DRC12: variants seen among roughly 807,000 people sequenced by gnomAD.
DRC12 encodes dynein regulatory complex subunit 12 homolog, also known as dynein regulatory complex protein 12.
chr11:119,192,369 G>A, the DRC12 span, among the ~76,000 whole-genome samples: 2 of 152,220 alleles, frequency 1.3e-5, no homozygotes, highest in African/African-American at 4.8e-5. Context: ...TTGTAAGCAA[G>A]AGACAAGAGA....
the DRC12 span, among the ~76,000 whole-genome samples, chr11:119,192,653 A>G: frequency 6.6e-6 from 1 of 151,586 alleles, no homozygotes; most frequent in Non-Finnish European, 1.5e-5. Flanking sequence ...TTTTATTTTT[A>G]TTTATTTTTT....
chr11:119,190,838 C>T, the DRC12 span: 2 of 1,611,330 alleles, frequency 1.2e-6, no homozygotes, highest in South Asian at 1.1e-5. The surrounding 1 kb of genome is among the most constrained non-coding windows in gnomAD (Gnocchi z 4.2). Flanking sequence ...CTTTGGCATG[C>T]CTCTGGGGGC....
the DRC12 span, chr11:119,195,612 G>A: frequency 1.3e-6 from 1 of 740,924 alleles, no homozygotes; most frequent in Non-Finnish European, 2.3e-6. Context: ...ATATCCTTCA[G>A]AAAAGTCAGT....
At chr11:119,191,991 T>C in the DRC12 span, among the ~76,000 whole-genome samples, 133 of 151,916 alleles carry the variant, frequency 8.8e-4, 2 homozygotes, top group Non-Finnish European at 1.5e-3. Context: ...TTTTTTTTTT[T>C]TTTAGTTGGA....
At chr11:119,191,008 A>C in the DRC12 span, among the ~76,000 whole-genome samples, 1 of 152,186 alleles carries the variant, frequency 6.6e-6, no homozygotes, top group Non-Finnish European at 1.5e-5. Flanking sequence ...TGAGGTATAT[A>C]GCAGAGAGTG....
chr11:119,190,881 T>C, the DRC12 span: 1 of 1,595,606 alleles, frequency 6.3e-7, no homozygotes, highest in Non-Finnish European at 8.5e-7. This position sits in a 1 kb window ranked among gnomAD's most constrained non-coding sequence, Gnocchi z 4.2. Context: ...ATGGTGACAC[T>C]CTATCCTTGA....
the DRC12 span, chr11:119,190,826 C>T: frequency 5.5e-5 from 88 of 1,612,776 alleles, 1 homozygote; most frequent in South Asian, 8.1e-4. This position sits in a 1 kb window ranked among gnomAD's most constrained non-coding sequence, Gnocchi z 4.2. Flanking sequence ...GCTGCAGCCT[C>T]CCTTTGGCAT....
the DRC12 span, chr11:119,193,025 G>T: frequency 1.2e-6 from 1 of 816,186 alleles, no homozygotes. Context: ...GTCAGCGAAA[G>T]TGGGGAAAGT....
the DRC12 span, chr11:119,193,778 C>T: frequency 6.4e-7 from 1 of 1,551,710 alleles, no homozygotes. Flanking sequence ...GCATATATGG[C>T]CTTCCCTTCA....
the DRC12 span, among the ~76,000 whole-genome samples, chr11:119,191,944 C>T: frequency 1.3e-5 from 2 of 151,000 alleles, no homozygotes; most frequent in African/African-American, 4.9e-5. Context: ...GGCAGATAAG[C>T]AGCTCCTGGC....
At chr11:119,191,163 G>A in the DRC12 span, among the ~76,000 whole-genome samples, 1,955 of 150,808 alleles carry the variant, frequency 0.013, 43 homozygotes, top group African/African-American at 0.043. Flanking sequence ...GCAGTGGCGC[G>A]ATCTCAGCTC....
the DRC12 span, chr11:119,190,880 C>T: frequency 1.3e-6 from 2 of 1,596,172 alleles, no homozygotes; most frequent in African/African-American, 1.3e-5. The surrounding 1 kb of genome is among the most constrained non-coding windows in gnomAD (Gnocchi z 4.2). Context: ...GATGGTGACA[C>T]TCTATCCTTG....
chr11:119,195,457 T>C, the DRC12 span: 7,010 of 1,551,468 alleles, frequency 4.5e-3, 290 homozygotes, highest in African/African-American at 0.083. Context: ...GCCCCAGATT[T>C]CTTCCCTTTT....
chr11:119,194,914 C>T, the DRC12 span: 1 of 1,550,616 alleles, frequency 6.4e-7, no homozygotes, highest in South Asian at 1.2e-5. Context: ...CAGCTTCTAC[C>T]CTCCTTACCC....
At chr11:119,193,689 C>G in the DRC12 span, 1 of 1,530,084 alleles carries the variant, frequency 6.5e-7, no homozygotes, top group Admixed American at 2.0e-5. Context: ...TGTTTCCCTT[C>G]CTTGCATCAA....
At chr11:119,195,483 G>A in the DRC12 span, 1 of 1,551,232 alleles carries the variant, frequency 6.4e-7, no homozygotes, top group South Asian at 1.2e-5. Flanking sequence ...GTTTTTAGGT[G>A]GCATCTCCTT....
At chr11:119,190,581 G>C in the DRC12 span, 45 of 1,550,940 alleles carry the variant, frequency 2.9e-5, no homozygotes, top group Admixed American at 5.2e-5. The surrounding 1 kb of genome is among the most constrained non-coding windows in gnomAD (Gnocchi z 4.2). Flanking sequence ...CCTCAGGATA[G>C]AGCAGGGCTC....
the DRC12 span, chr11:119,193,021 G>A: frequency 2.4e-5 from 19 of 791,764 alleles, no homozygotes; most frequent in African/African-American, 3.4e-5. Context: ...GAGGGTCAGC[G>A]AAAGTGGGGA....
At chr11:119,194,515 CAAAAAA>C in the DRC12 span, among the ~76,000 whole-genome samples, 1 of 27,494 alleles carries the variant, frequency 3.6e-5, no homozygotes, top group Non-Finnish European at 5.6e-5. Context: ...GACTCTGTCT[CAAAAAA>C]AAAAAAAAAA....
Sources: allele counts gnomAD v4.1 joint callset (sites outside exome capture counted in the v4.1 genomes callset), GRCh38; gene constraint gnomAD v4.1.1; non-coding constraint Gnocchi (gnomAD v3.1); transcripts MANE v1.5; gene names NCBI Gene and HGNC (gene_info 2026-07-23, HGNC 2026-07-21).